The following MACROD2 variants were observed in gnomAD, a reference collection of about 807,000 sequenced individuals.
The protein encoded by MACROD2 is mono-ADP ribosylhydrolase 2, also known as ADP-ribose glycohydrolase MACROD2.
Under a neutral mutation model 70.4 loss-of-function variants are expected in MACROD2, and 36 were observed. That is an observed-to-expected ratio of 0.51 (90% confidence interval 0.39 to 0.68). The LOEUF is 0.68. Among genes scored for constraint, MACROD2 ranks in the 30% least tolerant of loss-of-function variants. The pLI, the probability that MACROD2 is intolerant of heterozygous loss-of-function variation, is 0.00. For missense variants in MACROD2, 496 were observed against 538.4 expected (o/e 0.92, Z 0.78); for synonymous variants, 172 against 178.8 (o/e 0.96, Z 0.30).
At chr20:14,565,723 T>TA (rs1191025219) in intron 4 of MACROD2, among the ~76,000 whole-genome samples, 2 of 151,966 alleles carry the variant, frequency 1.3e-5, no homozygotes, top group Non-Finnish European at 2.9e-5. Flanking sequence ...ACATTTTATA[T>TA]GGTGTGTTGA....
At chr20:14,207,252 T>C (rs1392472506) in intron 3 of MACROD2, among the ~76,000 whole-genome samples, 1 of 152,000 alleles carries the variant, frequency 6.6e-6, no homozygotes, top group Admixed American at 6.6e-5. Context: ...CACATGCCCC[T>C]ACGCCCAGCT....
chr20:15,560,632 G>A (rs749517519), intron 8 of MACROD2, among the ~76,000 whole-genome samples: 4 of 151,866 alleles, frequency 2.6e-5, no homozygotes, highest in African/African-American at 7.3e-5. Context: ...TCATGGTGGT[G>A]TGTGCCTGTA....
chr20:15,788,355 G>T (rs774703823), intron 8 of MACROD2, among the ~76,000 whole-genome samples: 1 of 152,134 alleles, frequency 6.6e-6, no homozygotes, highest in African/African-American at 2.4e-5. Context: ...CTTGTCCTTC[G>T]TAATAGTGGA....
intron 3 of MACROD2, among the ~76,000 whole-genome samples, chr20:14,458,795 A>G (rs554359024): frequency 1.3e-5 from 2 of 152,278 alleles, no homozygotes; most frequent in South Asian, 2.1e-4. Flanking sequence ...AATAAAGTCA[A>G]TGTTTTAGTA....
At chr20:16,010,670 C>G (rs2066851586) in intron 15 of MACROD2, among the ~76,000 whole-genome samples, 1 of 152,166 alleles carries the variant, frequency 6.6e-6, no homozygotes, top group African/African-American at 2.4e-5. Flanking sequence ...ATTCTGGCTT[C>G]CAGTCTTTGG....
intron 8 of MACROD2, among the ~76,000 whole-genome samples, chr20:15,791,036 T>G (rs1163308851): frequency 6.6e-6 from 1 of 151,986 alleles, no homozygotes; most frequent in Non-Finnish European, 1.5e-5. Context: ...TCATTTTTAT[T>G]ATGCTTCATT....
intron 6 of MACROD2, among the ~76,000 whole-genome samples, chr20:15,342,757 G>C (rs1313003996): frequency 6.6e-6 from 1 of 152,148 alleles, no homozygotes; most frequent in Non-Finnish European, 1.5e-5. Flanking sequence ...GAGTGAAAGT[G>C]GGGAGGGGAG....
At chr20:14,331,309 G>T (rs942322132) in intron 3 of MACROD2, among the ~76,000 whole-genome samples, 1 of 152,120 alleles carries the variant, frequency 6.6e-6, no homozygotes, top group African/African-American at 2.4e-5. Context: ...CCCAGAGAAT[G>T]AAAGAGTTCT....
chr20:15,632,557 G>C (rs1191993131), intron 8 of MACROD2, among the ~76,000 whole-genome samples: 1 of 152,158 alleles, frequency 6.6e-6, no homozygotes, highest in Non-Finnish European at 1.5e-5. Flanking sequence ...ATACCTTACA[G>C]TGTAATTTCC....
rs557437963 is a variant in MACROD2, at chr20:14,480,990, G to T, written c.272-12489G>T. Among the ~76,000 whole-genome samples the T allele has an allele frequency of 5.3e-5, 8 of 152,132 alleles. No homozygotes were observed. In the South Asian group the frequency reaches 1.7e-3, roughly 32 times the overall value. ...ACTTATTTAGGAAAGAAAAATTATG[G>T]TTTTTTATTTGCTACTTCAGGTTAT... On this transcript the variant is annotated intron_variant, in intron 3 of 17. Coordinates refer to ENST00000684519, the MANE Select transcript of MACROD2 (RefSeq NM_001351661.2).
chr20:15,394,459 T>C (rs762100766), intron 6 of MACROD2, among the ~76,000 whole-genome samples: 4 of 152,200 alleles, frequency 2.6e-5, no homozygotes, highest in Non-Finnish European at 4.4e-5. Context: ...ACTTACAGTA[T>C]TAACCAACAA....
chr20:15,547,202 A>C (rs1036492482), intron 8 of MACROD2, among the ~76,000 whole-genome samples: 6 of 152,268 alleles, frequency 3.9e-5, no homozygotes, highest in African/African-American at 1.4e-4. Context: ...TCCTCCTTCC[A>C]TCATGGATAT....
rs150117074 is a variant in MACROD2, at chr20:14,874,289, CATTT to C, written c.418+189362_418+189365del. Among the ~76,000 whole-genome samples the C allele has an allele frequency of 2.1e-3, 279 of 131,394 alleles. 3 individuals are homozygous for C. The highest frequency in any genetic ancestry group is 0.019 in the Middle Eastern group (5 of 270). The allele number at this position is 131,394 out of a possible 152,430, so 86.2% of individuals were successfully genotyped here. On this transcript the variant is annotated intron_variant, in intron 5 of 17. Transcript: ENST00000684519. ...AGGAAGGCAGTATCAAATGGAGATT[CATTT>C]ATTTATTTATTTATTTATTTATTTA... is the stretch of plus-strand genomic sequence containing the variant.
chr20:15,940,315 C>T (rs572148569), intron 12 of MACROD2, among the ~76,000 whole-genome samples: 30 of 151,218 alleles, frequency 2.0e-4, no homozygotes, highest in African/African-American at 6.3e-4. Context: ...AGGCTGGTTG[C>T]GAAATCCTGA....
At chr20:15,454,340 C>T (rs1292712776) in intron 7 of MACROD2, among the ~76,000 whole-genome samples, 1 of 151,712 alleles carries the variant, frequency 6.6e-6, no homozygotes, top group African/African-American at 2.4e-5. Context: ...ACATCCTGCC[C>T]TAACACTGCC....
intron 8 of MACROD2, among the ~76,000 whole-genome samples, chr20:15,725,220 A>G (rs1463309256): frequency 6.6e-6 from 1 of 152,240 alleles, no homozygotes; most frequent in Non-Finnish European, 1.5e-5. Flanking sequence ...TTTTCTGTCA[A>G]ATAATATGAA....
At chr20:15,110,661 A>T (rs1389332672) in intron 5 of MACROD2, among the ~76,000 whole-genome samples, 1 of 152,220 alleles carries the variant, frequency 6.6e-6, no homozygotes, top group Non-Finnish European at 1.5e-5. Flanking sequence ...CACGCAGTAC[A>T]TGCAACAGAA....
At chr20:15,806,781 G>A (rs1600922388) in intron 8 of MACROD2, among the ~76,000 whole-genome samples, 1 of 152,182 alleles carries the variant, frequency 6.6e-6, no homozygotes, top group East Asian at 1.9e-4. Context: ...AGGACAATAT[G>A]TCACTATTTG....
chr20:15,266,393 A>G (rs560799240), intron 6 of MACROD2, among the ~76,000 whole-genome samples: 107 of 152,340 alleles, frequency 7.0e-4, no homozygotes, highest in African/African-American at 2.4e-3. Context: ...ATTCAAGACA[A>G]TGAACTTGTG....
Sources: allele counts gnomAD v4.1 joint callset (sites outside exome capture counted in the v4.1 genomes callset), GRCh38; gene constraint gnomAD v4.1.1; transcripts MANE v1.5; gene names NCBI Gene and HGNC (gene_info 2026-07-23, HGNC 2026-07-21).